The following ENPP6 variants were observed in gnomAD, a reference collection of about 807,000 sequenced individuals.
The protein encoded by ENPP6 is glycerophosphocholine cholinephosphodiesterase ENPP6.
A neutral mutation model predicts 42.0 loss-of-function variants in ENPP6; 32 were observed. The ratio of observed to expected loss-of-function variants is 0.76; its 90% CI spans 0.58 to 1.02. The LOEUF (loss-of-function observed/expected upper bound fraction) is 1.02. Ranked by LOEUF, ENPP6 falls within the 50% of genes least tolerant of loss-of-function variation. The pLI is 0.00. For missense variants in ENPP6, 552 were observed against 566.8 expected, an observed-to-expected ratio of 0.97 and a Z score of 0.27; for synonymous variants, 213 against 216.0, an observed-to-expected ratio of 0.99 and a Z score of 0.12.
At chr4:184,178,608 G>A (rs1732490619) in intron 1 of ENPP6, among the ~76,000 whole-genome samples, 1 of 152,188 alleles carries the variant, frequency 6.6e-6, no homozygotes, top group African/African-American at 2.4e-5. Flanking sequence ...AGGAAAAAGT[G>A]TTAAGGGCAG....
At chr4:184,097,444 A>G in intron 6 of ENPP6, 76 bp from the exon 7 acceptor site, 1 of 1,583,212 alleles carries the variant, frequency 6.3e-7, no homozygotes. Flanking sequence ...CCAAGCCGCC[A>G]CTCCACCGGG....
intron 1 of ENPP6, among the ~76,000 whole-genome samples, chr4:184,165,416 G>A (rs1006032839): frequency 6.6e-6 from 1 of 152,160 alleles, no homozygotes; most frequent in African/African-American, 2.4e-5. Context: ...CTGACTCAGC[G>A]TCCGCCCTCC....
intron 1 of ENPP6, among the ~76,000 whole-genome samples, chr4:184,168,197 G>GA (rs1305952319): frequency 1.7e-4 from 26 of 152,056 alleles, no homozygotes. Context: ...TTCCTCCTCT[G>GA]AAAAATGGAG....
intron 2 of ENPP6, among the ~76,000 whole-genome samples, chr4:184,141,061 G>A (rs58335196): frequency 0.65 from 95,940 of 148,016 alleles, 31,441 homozygotes; most frequent in South Asian, 0.69. Context: ...CAAACAACCC[G>A]TCAAAAAGTG....
intron 1 of ENPP6, among the ~76,000 whole-genome samples, chr4:184,186,120 T>C (rs1732631593): frequency 6.6e-6 from 1 of 152,216 alleles, no homozygotes; most frequent in African/African-American, 2.4e-5. Flanking sequence ...AGAAACTTGA[T>C]AAAGCGTACA....
chr4:184,142,880 C>A (rs958215620), intron 2 of ENPP6, among the ~76,000 whole-genome samples: 1 of 152,140 alleles, frequency 6.6e-6, no homozygotes, highest in Non-Finnish European at 1.5e-5. Flanking sequence ...CCAGGGTCAG[C>A]GACTGCACTT....
Position 184,100,442 on chromosome 4 carries a change from A to G in ENPP6, c.994-3074T>C, listed in dbSNP as rs111226934. The stretch of plus-strand genomic sequence containing the variant: ...CCTGGTTGGCCTGCTGACCCCATCC[A>G]GCCACTGCGGGGCCCAGGGACTGCC... On this transcript the variant is annotated intron_variant, in intron 6 of 7. Transcript: ENST00000296741. Among the ~76,000 whole-genome samples the G allele has an allele frequency of 5.6e-3, 859 of 152,278 alleles. 13 individuals carry two copies. The highest frequency in any genetic ancestry group is 0.02 in the African/African-American group (818 of 41,564).
chr4:184,202,715 C>T (rs1356752372), intron 1 of ENPP6, among the ~76,000 whole-genome samples: 3 of 152,028 alleles, frequency 2.0e-5, no homozygotes, highest in East Asian at 1.9e-4. Context: ...AAGAGGAAAT[C>T]GGAGGGGAGG....
chr4:184,177,496 C>T (rs943031203), intron 1 of ENPP6, among the ~76,000 whole-genome samples: 1 of 152,296 alleles, frequency 6.6e-6, no homozygotes, highest in South Asian at 2.1e-4. Context: ...ACAGTGCACC[C>T]CCTCCACCAA....
At chr4:184,138,890 G>C (rs1304399106) in intron 2 of ENPP6, among the ~76,000 whole-genome samples, 1 of 152,242 alleles carries the variant, frequency 6.6e-6, no homozygotes, top group Non-Finnish European at 1.5e-5. Context: ...GTGCAGAGCA[G>C]AGAGAGGAAG....
chr4:184,176,618 G>A (rs748736630), intron 1 of ENPP6, among the ~76,000 whole-genome samples: 71 of 152,154 alleles, frequency 4.7e-4, no homozygotes, highest in Admixed American at 1.1e-3. Context: ...CCAACTGAAC[G>A]GGGCCACCGA....
rs559561735 is a variant in ENPP6 at position 184,208,962 on chromosome 4, C to T, written c.241+8617G>A. 1.1e-4 allele frequency among the ~76,000 whole-genome samples: 16 copies of T among 143,080 alleles called. No individual in the cohort carries two copies. In the South Asian group the frequency reaches 2.7e-3, roughly 24 times the overall value. 93.9% of individuals were successfully genotyped at this position (143,080 alleles called of 152,430 possible). On this transcript the variant is annotated intron_variant, in intron 1 of 7. Transcript: ENST00000296741. ...CGAGCAGCCTAACTGGGAGGCACCC[C>T]CCAGCAGGAGCACACTGACACCTCA... is the stretch of plus-strand genomic sequence containing the variant.
At chr4:184,121,363 A>G (rs1579619879) in intron 3 of ENPP6, among the ~76,000 whole-genome samples, 1 of 152,146 alleles carries the variant, frequency 6.6e-6, no homozygotes, top group African/African-American at 2.4e-5. Context: ...CCCTGAGCAG[A>G]CCTCTATGTT....
chr4:184,206,286 C>T (rs1256392914), intron 1 of ENPP6, among the ~76,000 whole-genome samples: 7 of 99,156 alleles, frequency 7.1e-5, no homozygotes, highest in African/African-American at 1.7e-4. Flanking sequence ...GAGACGGAGT[C>T]TCGCTCTGTC....
Position 184,217,709 on chromosome 4 carries a change from G to A in ENPP6, c.111C>T (p.Asp37=). ...LVFLLDGFRS[D]YISDEALESL... The stretch of plus-strand genomic sequence containing the variant: ...ACTCCAGCGCCTCATCACTGATGTA[G>A]TCTGAGCGAAAACCATCCAGCAGAA... The change falls in exon 1 of 8, where the codon GAC becomes GAT. Residue 37 remains aspartate, a synonymous_variant. Transcript: ENST00000296741. The A allele has an allele frequency of 1.2e-6, 2 of 1,614,222 alleles. No individual in the cohort carries two copies. The highest frequency in any genetic ancestry group is 8.5e-7 in the Non-Finnish European group (1 of 1,180,050).
chr4:184,138,702 A>G (rs1039146426), intron 2 of ENPP6, among the ~76,000 whole-genome samples: 2 of 152,218 alleles, frequency 1.3e-5, no homozygotes, highest in African/African-American at 4.8e-5. Flanking sequence ...CTGGGAATTA[A>G]GTCTGAAGAC....
intron 1 of ENPP6, among the ~76,000 whole-genome samples, chr4:184,206,886 T>C (rs1471304616): frequency 1.3e-5 from 2 of 152,232 alleles, no homozygotes; most frequent in African/African-American, 4.8e-5. Flanking sequence ...CCGGACTGTC[T>C]TGGGGAGATC....
intron 7 of ENPP6, among the ~76,000 whole-genome samples, chr4:184,093,660 A>G (rs1186689475): frequency 1.4e-5 from 2 of 147,322 alleles, no homozygotes; most frequent in Non-Finnish European, 3.0e-5. Flanking sequence ...AATAATAATA[A>G]TAATAATAAT....
chr4:184,094,899 A>G (rs1330160754), intron 7 of ENPP6, among the ~76,000 whole-genome samples: 1 of 152,260 alleles, frequency 6.6e-6, no homozygotes, highest in African/African-American at 2.4e-5. Context: ...TTGCTGGACC[A>G]GACTCACTGA....
Sources: allele counts gnomAD v4.1 joint callset (sites outside exome capture counted in the v4.1 genomes callset), GRCh38; gene constraint gnomAD v4.1.1; transcripts MANE v1.5; gene names NCBI Gene and HGNC (gene_info 2026-07-23, HGNC 2026-07-21).